The following CDH18 variants were observed in gnomAD, a reference collection of about 807,000 sequenced individuals.
The protein encoded by CDH18 is cadherin-18.
Under a neutral mutation model 67.9 loss-of-function variants are expected in CDH18, and 31 were observed. That is an observed-to-expected ratio of 0.46 (90% confidence interval 0.34 to 0.62). The LOEUF is 0.62. Among genes scored for constraint, CDH18 ranks in the 20% least tolerant of loss-of-function variants. CDH18 has a pLI of 0.01. For synonymous variants in CDH18, 362 were observed against 347.2 expected, an observed-to-expected ratio of 1.04 and a Z score of -0.48; for missense variants, 890 against 975.5, an observed-to-expected ratio of 0.91 and a Z score of 1.17.
intron 9 of CDH18, among the ~76,000 whole-genome samples, chr5:19,526,850 C>T (rs1026609610): frequency 2.0e-5 from 3 of 151,824 alleles, no homozygotes; most frequent in Non-Finnish European, 4.4e-5. Context: ...TATGAAAATT[C>T]ACTCAAAATG....
At chr5:20,298,617 G>C (rs143444012) in intron 1 of CDH18, among the ~76,000 whole-genome samples, 1 of 152,186 alleles carries the variant, frequency 6.6e-6, no homozygotes, top group East Asian at 1.9e-4. Context: ...TCAAAAATGT[G>C]AATAACCAGG....
At chr5:20,282,400 T>C (rs528228869) in intron 1 of CDH18, among the ~76,000 whole-genome samples, 1 of 152,288 alleles carries the variant, frequency 6.6e-6, no homozygotes. Flanking sequence ...CAATACCTAA[T>C]TTCTTGAGAG....
chr5:20,427,441 A>G (rs1748388512), intron 1 of CDH18, among the ~76,000 whole-genome samples: 1 of 151,310 alleles, frequency 6.6e-6, no homozygotes, highest in African/African-American at 2.5e-5. Flanking sequence ...TGTATTTTCT[A>G]TTGAAACATA....
At chr5:20,541,478 T>A (rs1251260705) in intron 1 of CDH18, among the ~76,000 whole-genome samples, 1 of 152,088 alleles carries the variant, frequency 6.6e-6, no homozygotes, top group Non-Finnish European at 1.5e-5. Flanking sequence ...TGAGGAAACT[T>A]ACAAAAATAC....
intron 2 of CDH18, among the ~76,000 whole-genome samples, chr5:19,970,614 C>T (rs890467302): frequency 2.6e-5 from 4 of 151,234 alleles, no homozygotes; most frequent in Non-Finnish European, 5.9e-5. Context: ...GTGGGTAAAC[C>T]GAAGACAACT....
intron 4 of CDH18, among the ~76,000 whole-genome samples, chr5:19,721,933 T>C (rs1457949050): frequency 6.6e-6 from 1 of 152,036 alleles, no homozygotes; most frequent in African/African-American, 2.4e-5. Flanking sequence ...TATTAAATTA[T>C]CAATGACATC....
intron 1 of CDH18, among the ~76,000 whole-genome samples, chr5:20,375,193 C>G (rs1743316429): frequency 6.6e-6 from 1 of 152,194 alleles, no homozygotes; most frequent in East Asian, 1.9e-4. Context: ...CCTTATAAGC[C>G]AACACATTTC....
At chr5:19,807,810 G>A (rs924640916) in intron 3 of CDH18, among the ~76,000 whole-genome samples, 4 of 152,038 alleles carry the variant, frequency 2.6e-5, no homozygotes, top group African/African-American at 9.7e-5. Context: ...TTTACACTGT[G>A]TATGTAGTAA....
intron 5 of CDH18, among the ~76,000 whole-genome samples, chr5:19,709,594 A>AGAAG (rs2150521763): frequency 1.3e-5 from 2 of 151,802 alleles, no homozygotes; most frequent in Non-Finnish European, 2.9e-5. Flanking sequence ...AAGAAAGTAA[A>AGAAG]GAAGGAAGGA....
At position 20,565,446 on chromosome 5, in the gene CDH18, T is replaced by C. The variant is rs77184944; in HGVS notation, c.-580+10016A>G. ...TTAGCTGTGGCGGTTAATTAAGCAT[T>C]GCTCCTTGGCTTCTATTCCTCTGGA... On this transcript the variant is annotated intron_variant, in intron 1 of 14. Coordinates refer to the CDH18 transcript ENST00000507958. Among the ~76,000 whole-genome samples the C allele has an allele frequency of 6.2e-4, 94 of 152,282 alleles. 1 individual carries two copies. The East Asian group carries it at 0.017, about 27-fold the overall frequency.
intron 1 of CDH18, among the ~76,000 whole-genome samples, chr5:20,308,455 A>C (rs1257352434): frequency 6.6e-6 from 1 of 151,822 alleles, no homozygotes; most frequent in Non-Finnish European, 1.5e-5. Context: ...AGGTAGGAGA[A>C]TCGCTTGAAC....
chr5:20,534,736 C>A (rs893526592), intron 1 of CDH18, among the ~76,000 whole-genome samples: 9 of 151,776 alleles, frequency 5.9e-5, no homozygotes, highest in Non-Finnish European at 8.8e-5. Context: ...TCTTTGTTTA[C>A]CAAAAATATA....
At chr5:20,209,933 T>A (rs1220194254) in intron 2 of CDH18, among the ~76,000 whole-genome samples, 1 of 151,556 alleles carries the variant, frequency 6.6e-6, no homozygotes, top group African/African-American at 2.4e-5. Flanking sequence ...GATTATCACA[T>A]GTACCCCCAA....
At chr5:19,783,415 T>C (rs1380793248) in intron 3 of CDH18, among the ~76,000 whole-genome samples, 2 of 152,132 alleles carry the variant, frequency 1.3e-5, no homozygotes, top group Non-Finnish European at 2.9e-5. Context: ...ACTCATATAT[T>C]TCCATTTTAA....
intron 5 of CDH18, among the ~76,000 whole-genome samples, chr5:19,674,862 T>C (rs1759245085): frequency 6.6e-6 from 1 of 151,860 alleles, no homozygotes; most frequent in African/African-American, 2.4e-5. Context: ...AAAAATCCAA[T>C]CCAGAAAATT....
In CDH18 at chr5:20,409,239, C is replaced by T. The variant is rs183468216; in HGVS notation, c.-579-153734G>A. ...AACATAAATTCTTCTGAAGTGTACA[C>T]GAAACATTCTTCAAGATACAGCAAA... On this transcript the variant is annotated intron_variant, in intron 1 of 14. Coordinates refer to the CDH18 transcript ENST00000507958. Among the ~76,000 whole-genome samples, 35 of 151,788 alleles carry T rather than the reference C, an allele frequency of 2.3e-4. No individual in the cohort carries two copies. In the East Asian group the frequency reaches 3.3e-3, roughly 14 times the overall value.
intron 2 of CDH18, among the ~76,000 whole-genome samples, chr5:20,164,320 C>T (rs1195172504): frequency 6.6e-6 from 1 of 152,026 alleles, no homozygotes; most frequent in Non-Finnish European, 1.5e-5. Context: ...GAGTTTAGCT[C>T]TTGTTGCCCA....
At chr5:20,079,810 G>A (rs1279611460) in intron 2 of CDH18, among the ~76,000 whole-genome samples, 1 of 152,104 alleles carries the variant, frequency 6.6e-6, no homozygotes. Context: ...CCAGAGCTGG[G>A]AAGTCCAAGA....
At chr5:19,953,295 T>C (rs116504649) in intron 2 of CDH18, among the ~76,000 whole-genome samples, 1,841 of 152,206 alleles carry the variant, frequency 0.012, 52 homozygotes, top group African/African-American at 0.042. Context: ...ATACTGAATA[T>C]GTTAAGACTG....
Sources: allele counts gnomAD v4.1 joint callset (sites outside exome capture counted in the v4.1 genomes callset), GRCh38; gene constraint gnomAD v4.1.1; transcripts MANE v1.5; gene names NCBI Gene and HGNC (gene_info 2026-07-23, HGNC 2026-07-21).